The following UVRAG variants were observed in gnomAD, a reference collection of about 807,000 sequenced individuals.
UVRAG encodes the protein UV radiation resistance associated.
A neutral mutation model predicts 78.0 loss-of-function variants in UVRAG; 19 were observed. That is an observed-to-expected ratio of 0.24 (90% CI 0.17 to 0.36). The LOEUF (loss-of-function observed/expected upper bound fraction) is 0.36, where lower values mean the gene tolerates loss of function less well. Ranked by LOEUF, UVRAG falls within the 10% of genes least tolerant of loss-of-function variation. The pLI, the probability that UVRAG is intolerant of heterozygous loss-of-function variation, is 1.00. For synonymous variants in UVRAG, 323 were observed against 324.6 expected (o/e 1.00, Z 0.05); for missense variants, 740 against 853.8 (o/e 0.87, Z 1.66).
chr11:75,826,683 C>G (rs528768697), intron 1 of UVRAG, among the ~76,000 whole-genome samples: 12 of 149,866 alleles, frequency 8.0e-5, no homozygotes, highest in Admixed American at 5.3e-4. Context: ...TGGGTACTTA[C>G]CATGCCTATC....
At chr11:75,985,072 G>A (rs1006891556) in intron 8 of UVRAG, among the ~76,000 whole-genome samples, 1 of 151,660 alleles carries the variant, frequency 6.6e-6, no homozygotes, top group Non-Finnish European at 1.5e-5. Context: ...TGTGCCCAAT[G>A]GTTTTCCAAT....
chr11:75,993,502 T>A (rs1449177027), intron 8 of UVRAG, among the ~76,000 whole-genome samples: 2 of 152,174 alleles, frequency 1.3e-5, no homozygotes, highest in African/African-American at 2.4e-5. Context: ...AAAACCAGAT[T>A]TCCCCTCAGT....
chr11:75,929,876 C>T (rs771143413), intron 6 of UVRAG, among the ~76,000 whole-genome samples: 2 of 152,126 alleles, frequency 1.3e-5, no homozygotes, highest in African/African-American at 2.4e-5. Context: ...TTGCCTGACA[C>T]GTTAAATACA....
intron 1 of UVRAG, among the ~76,000 whole-genome samples, chr11:75,825,108 T>C (rs866457326): frequency 3.8e-4 from 57 of 151,822 alleles, no homozygotes; most frequent in African/African-American, 1.3e-3. Flanking sequence ...ACATAAGTAA[T>C]GTCTTTTTTT....
At chr11:75,820,781 G>A (rs1247009814) in intron 1 of UVRAG, among the ~76,000 whole-genome samples, 2 of 152,104 alleles carry the variant, frequency 1.3e-5, no homozygotes, top group Non-Finnish European at 2.9e-5. Flanking sequence ...AACAACTGTG[G>A]CCAGGCCTGG....
intron 7 of UVRAG, among the ~76,000 whole-genome samples, chr11:75,975,567 A>G (rs1051252922): frequency 1.3e-5 from 2 of 151,980 alleles, no homozygotes; most frequent in African/African-American, 4.8e-5. Context: ...AATTCTCCTT[A>G]AAGAGGTCCT....
chr11:75,927,005 G>T (rs1298968858), intron 6 of UVRAG, among the ~76,000 whole-genome samples: 2 of 151,602 alleles, frequency 1.3e-5, no homozygotes, highest in Non-Finnish European at 2.9e-5. Flanking sequence ...CATTGTTACC[G>T]CTGTTTTACT....
intron 13 of UVRAG, among the ~76,000 whole-genome samples, chr11:76,071,935 A>G (rs565901162): frequency 6.6e-6 from 1 of 152,272 alleles, no homozygotes; most frequent in East Asian, 1.9e-4. Flanking sequence ...GCAAATGTTA[A>G]GTTTGAGTTA....
At chr11:76,115,837 T>A in intron 13 of UVRAG, 87 bp from the exon 14 acceptor site, 2 of 1,182,958 alleles carry the variant, frequency 1.7e-6, no homozygotes, top group Admixed American at 4.0e-5. Flanking sequence ...CTTTTAGAGT[T>A]CAAAAAAATA....
At chr11:76,029,820 C>T (rs1372021309) in intron 12 of UVRAG, among the ~76,000 whole-genome samples, 2 of 152,164 alleles carry the variant, frequency 1.3e-5, no homozygotes, top group Non-Finnish European at 2.9e-5. Flanking sequence ...AACAGCATTG[C>T]ATGCTACATG....
At chr11:75,928,140 G>C (rs1267064671) in intron 6 of UVRAG, among the ~76,000 whole-genome samples, 2 of 152,188 alleles carry the variant, frequency 1.3e-5, no homozygotes, top group East Asian at 3.9e-4. Flanking sequence ...GTGGAGAATA[G>C]ACTGGGCTTC....
At chr11:76,079,329 A>T (rs187194278) in intron 13 of UVRAG, among the ~76,000 whole-genome samples, 52 of 152,098 alleles carry the variant, frequency 3.4e-4, no homozygotes, top group African/African-American at 8.9e-4. Flanking sequence ...ACAAAAAATT[A>T]AAAAAATTAT....
rs574515111 is a variant in UVRAG at position 75,868,980 on chromosome 11, A to G, written c.270+7200A>G. Among the ~76,000 whole-genome samples the G allele has an allele frequency of 2.6e-4, 40 of 152,230 alleles. 1 individual carries two copies. Among genetic ancestry groups the G allele is most frequent in the Non-Finnish European group, 4.3e-4 (29 of 68,046 alleles). On this transcript the variant is annotated intron_variant, in intron 3 of 14. Transcript: ENST00000356136. Reference sequence around the variant, plus strand: ...AGGTATCAATTATAAGTACCCACCTATGATTGAAGTAGCATGTTGGACATG... The same window carrying G: ...AGGTATCAATTATAAGTACCCACCTGTGATTGAAGTAGCATGTTGGACATG...
At chr11:76,052,722 T>G (rs906044782) in intron 12 of UVRAG, among the ~76,000 whole-genome samples, 2 of 152,150 alleles carry the variant, frequency 1.3e-5, no homozygotes, top group Non-Finnish European at 2.9e-5. Flanking sequence ...TCCTCATATC[T>G]TTTAACCAGT....
intron 7 of UVRAG, among the ~76,000 whole-genome samples, chr11:75,968,557 C>A (rs2135229892): frequency 1.3e-5 from 2 of 152,292 alleles, no homozygotes; most frequent in Non-Finnish European, 2.9e-5. Context: ...TGGACCATAA[C>A]ACAAACACTA....
intron 12 of UVRAG, among the ~76,000 whole-genome samples, chr11:76,023,267 G>A (rs1221772404): frequency 6.6e-6 from 1 of 152,170 alleles, no homozygotes. Context: ...CAGCCAGAGG[G>A]GAAAGTGTAG....
At chr11:76,100,388 C>G (rs750544080) in intron 13 of UVRAG, among the ~76,000 whole-genome samples, 3 of 152,058 alleles carry the variant, frequency 2.0e-5, no homozygotes, top group African/African-American at 7.2e-5. Context: ...AGTAGATACA[C>G]AAAAATGTTT....
Position 76,127,225 on chromosome 11 carries a change from T to C in UVRAG, c.1397+11210T>C, listed in dbSNP as rs1293812853. On this transcript the variant is annotated intron_variant, in intron 14 of 14. Transcript: ENST00000356136. ...GTGGATTTCGGTAATGTCTGAAAGA[T>C]GTGTTGAAAATGCAAGTGATCACAT... 5.9e-5 allele frequency among the ~76,000 whole-genome samples: 9 copies of C among 152,252 alleles called. No individual in the cohort carries two copies. The South Asian group carries it at 1.7e-3, about 28-fold the overall frequency.
intron 5 of UVRAG, among the ~76,000 whole-genome samples, chr11:75,895,104 G>A (rs1454626831): frequency 6.6e-6 from 1 of 152,148 alleles, no homozygotes; most frequent in Non-Finnish European, 1.5e-5. Flanking sequence ...ATACAGAAGA[G>A]GAAAAGTTAC....
Sources: allele counts gnomAD v4.1 joint callset (sites outside exome capture counted in the v4.1 genomes callset), GRCh38; gene constraint gnomAD v4.1.1; transcripts MANE v1.5; gene names NCBI Gene and HGNC (gene_info 2026-07-23, HGNC 2026-07-21).